CEP250: variants seen among roughly 807,000 people sequenced by gnomAD.
The protein encoded by CEP250 is centrosomal protein 250, also known as centrosome-associated protein CEP250.
CEP250 carries 242 observed loss-of-function variants against 315.7 expected under a neutral mutation model. The ratio of observed to expected loss-of-function variants is 0.77; its 90% CI spans 0.69 to 0.85. The LOEUF is 0.85. Among genes scored for constraint, CEP250 ranks in the 40% least tolerant of loss-of-function variants. CEP250 has a pLI of 0.00. For synonymous variants in CEP250, 1,088 were observed against 1,175.0 expected (o/e 0.93, Z 1.51); for missense variants, 2,515 against 2,886.4 (o/e 0.87, Z 2.95).
chr20:35,471,964 A>G, intron 10 of CEP250, 86 bp from the exon 11 acceptor site: 1 of 800,526 alleles, frequency 1.2e-6, no homozygotes, highest in Non-Finnish European at 2.2e-6. Context: ...AATAGACAGA[A>G]TGAGACTTTG....
Position 35,480,105 on chromosome 20 carries a change from C to T in CEP250, c.2546C>T (p.Ala849Val). The T allele has an allele frequency of 6.2e-7, 1 of 1,612,550 alleles. No individual in the cohort carries two copies. Among genetic ancestry groups the T allele is most frequent in the African/African-American group, 1.3e-5 (1 of 74,992 alleles). Reference protein sequence around the residue: ...EGKTALEQQKAAHEKEVNQLR... With the variant: ...EGKTALEQQKVAHEKEVNQLR... ...AAGACTGCCTTGGAGCAGCAGAAGG[C>T]AGCCCATGAGAAAGAGGTGAACCAG... is the stretch of plus-strand genomic sequence containing the variant. The change falls in exon 20 of 35, where the codon GCA becomes GTA. Residue 849 changes from alanine to valine, a missense_variant. By Grantham distance (64) the Ala-to-Val change is moderately conservative. Transcript: ENST00000397527.
At position 35,472,165 on chromosome 20, in the gene CEP250, T is replaced by G; in HGVS notation, c.1050+14T>G. ...GATATAACCCAGGTACTGGGAAGCC[T>G]CCTGTTCATGGTAACCAGGTTATGC... On this transcript the variant is annotated intron_variant, in intron 11 of 34. Transcript: ENST00000397527. The G allele has an allele frequency of 6.6e-7, 1 of 1,513,624 alleles. No individual in the cohort carries two copies. The highest frequency in any genetic ancestry group is 9.2e-7 in the Non-Finnish European group (1 of 1,088,514). The allele number at this position is 1,513,624 out of a possible 1,614,324, so 93.8% of individuals were successfully genotyped here.
intron 20 of CEP250, among the ~76,000 whole-genome samples, chr20:35,484,426 CT>C (rs2063447245): frequency 6.6e-6 from 1 of 152,116 alleles, no homozygotes; most frequent in Non-Finnish European, 1.5e-5. Flanking sequence ...TCAGAGGAGA[CT>C]TTTTTCCTAC....
At chr20:35,470,021 GT>G (rs1568766769) in intron 10 of CEP250, 35 bp downstream of exon 10, 1 of 1,453,224 alleles carries the variant, frequency 6.9e-7, no homozygotes, top group Non-Finnish European at 9.7e-7. Flanking sequence ...GGAGTTGGGC[GT>G]GGGCTTGTAG....
Position 35,472,061 on chromosome 20 carries a change from CA to C in CEP250, c.961del (p.Thr321GlnfsTer3). 1 of 1,606,500 alleles carries C rather than the reference CA, an allele frequency of 6.2e-7. No homozygotes were observed. The highest frequency in any genetic ancestry group is 8.5e-7 in the Non-Finnish European group (1 of 1,173,138). On this transcript the variant is annotated frameshift_variant, in exon 11 of 35. Transcript: ENST00000397527. LOFTEE classifies it high-confidence loss of function. ...ETVEILETNH[T>X]ELMEHEASLS... ...TATTCCCTGTTCAGGAGACAAATCA[CA>C]CAGAATTAATGGAACATGAAGCATC...
In CEP250 at chr20:35,516,102, G is replaced by A. The variant is rs1396206998; in HGVS notation, c.*4476G>A. 1 of 152,346 alleles carries A rather than the reference G, an allele frequency of 6.6e-6. No homozygotes were observed. The highest frequency in any genetic ancestry group is 1.9e-4 in the East Asian group (1 of 5,192). 9.4% of individuals were successfully genotyped at this position (152,346 alleles called of 1,614,324 possible). ...ACCTTGGCTCAGGTGGATGGGCTTG[G>A]AGGTAAAATAATTGAATGGGTCAGG... On this transcript the variant is annotated 3_prime_UTR_variant, in exon 35 of 35. Transcript: ENST00000397527.
Position 35,475,596 on chromosome 20 carries a change from G to A in CEP250, c.1666G>A (p.Gly556Arg), listed in dbSNP as rs1384146706. 1.9e-6 allele frequency: 3 copies of A among 1,614,032 alleles called. No individual in the cohort carries two copies. Among genetic ancestry groups the A allele is most frequent in the Non-Finnish European group, 2.5e-6 (3 of 1,180,028 alleles). Residue 556 changes from glycine to arginine, a missense_variant, in exon 15 of 35, where the codon GGG becomes AGG. Transcript: ENST00000397527. ...AGCCCTGGAGTCAAGTCACCTGGAA[G>A]GGGAGTTACTGAGGCAAGAGCAAAC... ...REALESSHLE[G>R]ELLRQEQTEV...
intron 20 of CEP250, among the ~76,000 whole-genome samples, chr20:35,485,350 G>A (rs1341574834): frequency 8.6e-5 from 13 of 151,050 alleles, no homozygotes; most frequent in Non-Finnish European, 1.3e-4. Context: ...CTCCAGCCTG[G>A]GCGACAGAGT....
Position 35,467,443 on chromosome 20 carries a change from C to A in CEP250, c.739C>A (p.Leu247Met). 6.2e-7 allele frequency: 1 copy of A among 1,614,198 alleles called. No individual in the cohort carries two copies. The highest frequency in any genetic ancestry group is 2.2e-5 in the East Asian group (1 of 44,886). Residue 247 changes from leucine (L) to methionine (M), a missense_variant, in exon 9 of 35, where the codon CTG (leucine) becomes ATG (methionine). By Grantham distance (15) the Leu-to-Met change is conservative. Coordinates refer to ENST00000397527, the MANE Select transcript of CEP250 (RefSeq NM_007186.6). ...GGATGGGCGGGAGCCGGCCCAGCTG[C>A]TGCTGCTACTAGCCAAGACCCAGGA... is the stretch of plus-strand genomic sequence containing the variant. ...RMDGREPAQL[L>M]LLLAKTQELE...
chr20:35,486,829 C>CT (rs1192096708), intron 20 of CEP250, among the ~76,000 whole-genome samples: 1 of 152,150 alleles, frequency 6.6e-6, no homozygotes, highest in Non-Finnish European at 1.5e-5. Flanking sequence ...ATAGTCGGTG[C>CT]TTAAAAGTAT....
chr20:35,517,113 C>G lies in CEP250; in HGVS notation c.*5487C>G, dbSNP rs887755016. 1.4e-6 allele frequency: 1 copy of G among 710,360 alleles called. No individual in the cohort carries two copies. 44.0% of individuals were successfully genotyped at this position (710,360 alleles called of 1,614,324 possible). ...CCTTCCTCAACCGTCCGCAGAACAC[C>G]TCCTTCCAGCACCTTAGCTCCTGCC... On this transcript the variant is annotated 3_prime_UTR_variant, in exon 35 of 35. Coordinates refer to ENST00000397527, the MANE Select transcript of CEP250 (RefSeq NM_007186.6).
At chr20:35,469,756 G>A in intron 9 of CEP250, 134 bp from the exon 10 acceptor site, 1 of 538,620 alleles carries the variant, frequency 1.9e-6, no homozygotes. Flanking sequence ...GACGGGCTGG[G>A]GGTGCCTAAG....
chr20:35,509,026 T>G lies in CEP250; in HGVS notation c.6990T>G (p.Ala2330=). 6.4e-7 allele frequency: 1 copy of G among 1,556,530 alleles called. No homozygotes were observed. The highest frequency in any genetic ancestry group is 2.4e-5 in the East Asian group (1 of 41,634). ...CCCTAGAGATCAGCAAGGCCACGGCTTCTTCACCCACACAGCAGGTTTACT... is the reference window on the plus strand; with the variant it reads ...CCCTAGAGATCAGCAAGGCCACGGCGTCTTCACCCACACAGCAGGTTTACT... ...AGSLEISKAT[A]SSPTQQDGRG... The change falls in exon 33 of 35, where the codon GCT becomes GCG. Residue 2330 remains alanine (A), a synonymous_variant. Coordinates refer to ENST00000397527, the MANE Select transcript of CEP250 (RefSeq NM_007186.6).
Position 35,462,562 on chromosome 20 carries a change from G to A in CEP250, c.186+9G>A. 6.3e-7 allele frequency: 1 copy of A among 1,588,078 alleles called. No individual in the cohort carries two copies. Among genetic ancestry groups the A allele is most frequent in the African/African-American group, 1.3e-5 (1 of 74,460 alleles). Reference sequence around the variant, plus strand: ...GGAAGCTGCAGGCCAAGGTGAGGCAGCTGCCCTTTTGGGGAGGGGAAAGAG... The same window carrying A: ...GGAAGCTGCAGGCCAAGGTGAGGCAACTGCCCTTTTGGGGAGGGGAAAGAG... On this transcript the variant is annotated intron_variant, in intron 4 of 34. Transcript: ENST00000397527.
chr20:35,508,817 G>A (rs1369777597), intron 32 of CEP250, 126 bp from the exon 33 acceptor site: 1 of 732,496 alleles, frequency 1.4e-6, no homozygotes, highest in Non-Finnish European at 2.3e-6. Flanking sequence ...TCAGCCAGGA[G>A]TTCTCTTCCC....
In CEP250 at chr20:35,494,640, G is replaced by A. The variant is rs1043495547; in HGVS notation, c.3150G>A (p.Leu1050=). The A allele has an allele frequency of 6.2e-7, 1 of 1,614,046 alleles. No homozygotes were observed. Among genetic ancestry groups the A allele is most frequent in the Non-Finnish European group, 8.5e-7 (1 of 1,179,994 alleles). ...AGTATAACCGAATTCAGAAGGAGCT[G>A]GAGAGAGAGAAAGCCAGGTAGGCTA... ...TQEYNRIQKE[L]EREKASLTLS... The change falls in exon 24 of 35, where the codon CTG becomes CTA. Residue 1050 remains leucine, a synonymous_variant. Transcript: ENST00000397527.
chr20:35,503,203 C>T lies in CEP250; in HGVS notation c.4834C>T (p.His1612Tyr). 4 of 1,614,106 alleles carry T rather than the reference C, an allele frequency of 2.5e-6. No homozygotes were observed. The highest frequency in any genetic ancestry group is 3.4e-6 in the Non-Finnish European group (4 of 1,179,992). Residue 1612 changes from histidine to tyrosine, a missense_variant, in exon 30 of 35, where the codon CAT becomes TAT. His to Tyr is a moderately conservative substitution (Grantham distance 83). Coordinates refer to ENST00000397527, the MANE Select transcript of CEP250 (RefSeq NM_007186.6). The surrounding 1 kb of genome is among the most constrained non-coding windows in gnomAD (Gnocchi z 4.2). ...QELQAQSSQI[H>Y]DLESHSTVLA... ...GCTGCAGGCACAAAGCAGCCAGATC[C>T]ATGACCTGGAGAGCCACAGCACCGT...
chr20:35,474,746 T>A (rs1188667042), intron 14 of CEP250: 1 of 468,748 alleles, frequency 2.1e-6, no homozygotes, highest in Non-Finnish European at 4.4e-6. Flanking sequence ...TATGGCTCTG[T>A]CACATGGACA....
chr20:35,464,821 C>G (rs1485751908), intron 5 of CEP250, among the ~76,000 whole-genome samples: 1 of 152,062 alleles, frequency 6.6e-6, no homozygotes, highest in Non-Finnish European at 1.5e-5. Flanking sequence ...ACTCGGGAGG[C>G]TGAGGCAGGA....
Sources: allele counts gnomAD v4.1 joint callset (sites outside exome capture counted in the v4.1 genomes callset), GRCh38; gene constraint gnomAD v4.1.1; non-coding constraint Gnocchi (gnomAD v3.1); transcripts MANE v1.5; gene names NCBI Gene and HGNC (gene_info 2026-07-23, HGNC 2026-07-21).